The following DGKB variants were observed in gnomAD, a reference collection of about 807,000 sequenced individuals.
DGKB encodes the protein diacylglycerol kinase beta, also known as 90 kDa diacylglycerol kinase.
Under a neutral mutation model 114.3 loss-of-function variants are expected in DGKB, and 67 were observed. That is an observed-to-expected ratio of 0.59 (90% CI 0.48 to 0.72). The LOEUF is 0.72. Among genes scored for constraint, DGKB ranks in the 30% least tolerant of loss-of-function variants. DGKB has a pLI of 0.00. For missense variants in DGKB, 907 were observed against 975.2 expected (o/e 0.93, Z 0.93); for synonymous variants, 398 against 323.1 (o/e 1.23, Z -2.49).
intron 21 of DGKB, among the ~76,000 whole-genome samples, chr7:14,350,343 G>C (rs776008458): frequency 7.9e-5 from 12 of 151,946 alleles, no homozygotes; most frequent in Non-Finnish European, 1.2e-4. Flanking sequence ...TGCCTTACAT[G>C]TCTTTTATTT....
At chr7:14,652,549 A>G (rs146338078) in intron 13 of DGKB, among the ~76,000 whole-genome samples, 23,666 of 151,800 alleles carry the variant, frequency 0.16, 2,484 homozygotes, top group Non-Finnish European at 0.22. Context: ...TAAAAACCCT[A>G]GAAGAAAACC....
intron 20 of DGKB, among the ~76,000 whole-genome samples, chr7:14,538,184 A>G (rs932424410): frequency 2.6e-5 from 4 of 151,918 alleles, no homozygotes; most frequent in Non-Finnish European, 5.9e-5. Flanking sequence ...TACTCTATGC[A>G]GTGGGAGAAA....
intron 1 of DGKB, among the ~76,000 whole-genome samples, chr7:14,964,156 A>C (rs926154110): frequency 1.3e-5 from 2 of 152,156 alleles, no homozygotes. Flanking sequence ...ATAGAGTCAC[A>C]TAATATGTGC....
chr7:14,195,221 G>A (rs144684427), intron 23 of DGKB, among the ~76,000 whole-genome samples: 97 of 152,202 alleles, frequency 6.4e-4, no homozygotes, highest in Admixed American at 3.0e-3. Context: ...TAGTGTGTGT[G>A]GGAATGTTTT....
chr7:14,582,716 C>G (rs2128726960), intron 18 of DGKB, among the ~76,000 whole-genome samples: 1 of 152,212 alleles, frequency 6.6e-6, no homozygotes, highest in African/African-American at 2.4e-5. Context: ...CAATTTCGCA[C>G]AGACTTTATC....
At chr7:14,672,384 G>A (rs941522446) in intron 13 of DGKB, among the ~76,000 whole-genome samples, 2 of 151,942 alleles carry the variant, frequency 1.3e-5, no homozygotes, top group Admixed American at 6.6e-5. Flanking sequence ...CTTTACTCAT[G>A]CATTTTCATT....
At chr7:14,938,211 C>T (rs1284533173) in intron 1 of DGKB, among the ~76,000 whole-genome samples, 4 of 152,162 alleles carry the variant, frequency 2.6e-5, no homozygotes, top group African/African-American at 9.7e-5. Flanking sequence ...AGTCTCAGAA[C>T]ACACAAAATA....
At chr7:14,558,748 C>G (rs1190343017) in intron 20 of DGKB, among the ~76,000 whole-genome samples, 1 of 152,200 alleles carries the variant, frequency 6.6e-6, no homozygotes, top group Non-Finnish European at 1.5e-5. Context: ...AATTTTATGG[C>G]TGTTGGAGAC....
intron 15 of DGKB, among the ~76,000 whole-genome samples, chr7:14,615,179 T>C (rs866455052): frequency 6.6e-6 from 1 of 152,024 alleles, no homozygotes; most frequent in African/African-American, 2.4e-5. Context: ...GGTTTTTAAG[T>C]AGAAATGGGA....
intron 13 of DGKB, among the ~76,000 whole-genome samples, chr7:14,648,341 A>AC (rs1813599243): frequency 2.0e-5 from 3 of 152,100 alleles, no homozygotes; most frequent in African/African-American, 7.2e-5. Context: ...CTGACCCCTG[A>AC]CCCCCGAGCA....
intron 21 of DGKB, among the ~76,000 whole-genome samples, chr7:14,472,462 C>G (rs939385392): frequency 6.6e-6 from 1 of 152,162 alleles, no homozygotes; most frequent in Non-Finnish European, 1.5e-5. Flanking sequence ...GTCCAATAAA[C>G]CTTTCTTTTG....
intron 8 of DGKB, among the ~76,000 whole-genome samples, chr7:14,696,138 C>T (rs933793296): frequency 6.6e-6 from 1 of 152,124 alleles, no homozygotes; most frequent in Non-Finnish European, 1.5e-5. Context: ...TCTACAAACA[C>T]ACCCCCCAAC....
At chr7:14,577,677 G>A (rs1799365465) in intron 19 of DGKB, among the ~76,000 whole-genome samples, 1 of 151,872 alleles carries the variant, frequency 6.6e-6, no homozygotes, top group Non-Finnish European at 1.5e-5. Context: ...ACACAAACAA[G>A]ATTTTCCTTG....
At chr7:14,798,012 T>G (rs1360250140) in intron 2 of DGKB, among the ~76,000 whole-genome samples, 2 of 152,056 alleles carry the variant, frequency 1.3e-5, no homozygotes, top group African/African-American at 4.8e-5. Context: ...CGAAATCAGG[T>G]TGCTGTCTGT....
intron 23 of DGKB, among the ~76,000 whole-genome samples, chr7:14,282,378 C>A (rs1316187958): frequency 3.8e-5 from 5 of 131,078 alleles, no homozygotes; most frequent in Non-Finnish European, 8.1e-5. Flanking sequence ...CAATAGCTTA[C>A]CAACCAAAAA....
At position 14,476,159 on chromosome 7, in the gene DGKB, T is replaced by C. The variant is rs919820154; in HGVS notation, c.1835+2002A>G. ...CTTTATGAATATAACTTAAATAATA[T>C]ATATGAATATAAATATGAATGCTTC... On this transcript the variant is annotated intron_variant, in intron 21 of 25. Coordinates refer to ENST00000402815, the MANE Select transcript of DGKB (RefSeq NM_001350709.2). Among the ~76,000 whole-genome samples the C allele has an allele frequency of 9.9e-5, 15 of 152,000 alleles. No homozygotes were observed. In the East Asian group the frequency reaches 2.1e-3, roughly 22 times the overall value.
intron 20 of DGKB, among the ~76,000 whole-genome samples, chr7:14,506,508 C>G (rs1042526836): frequency 6.6e-6 from 1 of 152,140 alleles, no homozygotes; most frequent in African/African-American, 2.4e-5. Context: ...CTGGCTAACT[C>G]TGGGAACTCA....
intron 17 of DGKB, among the ~76,000 whole-genome samples, chr7:14,587,539 G>A (rs1038399642): frequency 2.0e-4 from 31 of 152,082 alleles, no homozygotes; most frequent in African/African-American, 7.2e-4. Flanking sequence ...AAATTCTGAG[G>A]GAAGTTCTAC....
intron 21 of DGKB, among the ~76,000 whole-genome samples, chr7:14,400,331 C>A (rs1181091029): frequency 2.0e-5 from 3 of 151,758 alleles, no homozygotes; most frequent in Non-Finnish European, 4.4e-5. Flanking sequence ...CTGAGCTAAT[C>A]CAATAAAAAT....
Sources: allele counts gnomAD v4.1 joint callset (sites outside exome capture counted in the v4.1 genomes callset), GRCh38; gene constraint gnomAD v4.1.1; transcripts MANE v1.5; gene names NCBI Gene and HGNC (gene_info 2026-07-23, HGNC 2026-07-21).